The following PAPOLG variants were observed in gnomAD, a reference collection of about 807,000 sequenced individuals.
PAPOLG encodes PAP-gamma.
In PAPOLG, 40 loss-of-function variants were observed where a neutral mutation model predicts 99.0. The ratio of observed to expected loss-of-function variants is 0.40; its 90% CI spans 0.31 to 0.53. The LOEUF (loss-of-function observed/expected upper bound fraction) is 0.53. PAPOLG is among the 20% of genes least tolerant of loss of function. The pLI, the probability that PAPOLG is intolerant of heterozygous loss-of-function variation, is 0.41. For missense variants in PAPOLG, 675 were observed against 884.1 expected, an observed-to-expected ratio of 0.76 and a Z score of 3.00; for synonymous variants, 310 against 299.3, an observed-to-expected ratio of 1.04 and a Z score of -0.37.
intron 15 of PAPOLG, among the ~76,000 whole-genome samples, chr2:60,791,190 T>A (rs977367129): frequency 1.3e-4 from 20 of 152,356 alleles, no homozygotes; most frequent in African/African-American, 4.6e-4. Flanking sequence ...TACCGTTTTT[T>A]AAATATATTT....
In PAPOLG at chr2:60,760,291, C is replaced by T; in HGVS notation, c.175C>T (p.His59Tyr). ...GVFEDEEELN[H>Y]RLVVLGKLNN... ...GTTTGAAGATGAGGAAGAATTGAACCACAGGTATGTCATTGAAAACCATAA... is the reference window on the plus strand; with the variant it reads ...GTTTGAAGATGAGGAAGAATTGAACTACAGGTATGTCATTGAAAACCATAA... The change falls in exon 2 of 22, where the codon CAC becomes TAC. Residue 59 changes from histidine (H) to tyrosine (Y), a missense_variant. Transcript: ENST00000238714. The T allele has an allele frequency of 6.2e-7, 1 of 1,610,240 alleles. No homozygotes were observed. The highest frequency in any genetic ancestry group is 8.5e-7 in the Non-Finnish European group (1 of 1,177,380).
chr2:60,781,758 G>A lies in PAPOLG; in HGVS notation c.907-127G>A. 3 of 1,286,758 alleles carry A rather than the reference G, an allele frequency of 2.3e-6. No homozygotes were observed. In the South Asian group the frequency reaches 4.6e-5, roughly 20 times the overall value. The allele number at this position is 1,286,758 out of a possible 1,614,324, so 79.7% of individuals were successfully genotyped here. On this transcript the variant is annotated intron_variant, in intron 10 of 21. Transcript: ENST00000238714. The stretch of plus-strand genomic sequence containing the variant: ...ATAAATGCAGTTGGGGAGGGAAAAT[G>A]TACTTCTTAAACTTGAGGAAATGTA...
rs1297983508 is a variant in PAPOLG at position 60,768,672 on chromosome 2, T to C, written c.329-109T>C. On this transcript the variant is annotated intron_variant, in intron 4 of 21. Coordinates refer to ENST00000238714, the MANE Select transcript of PAPOLG (RefSeq NM_022894.4). ...ACTTAGAGCTAATCATTGTTAACAT[T>C]TTCTTGTACTCAACTTCCATACTTT... 2.2e-6 allele frequency: 3 copies of C among 1,335,686 alleles called. No homozygotes were observed. The African/African-American group carries it at 4.5e-5, about 20-fold the overall frequency. The allele number at this position is 1,335,686 out of a possible 1,614,324, so 82.7% of individuals were successfully genotyped here. A position where few individuals can be genotyped will look rare whatever the true frequency, so the allele number is the denominator to read the frequency against.
intron 3 of PAPOLG, among the ~76,000 whole-genome samples, chr2:60,768,154 G>A (rs576861070): frequency 3.9e-5 from 6 of 152,182 alleles, no homozygotes; most frequent in Admixed American, 3.9e-4. Context: ...CCAGACTGGA[G>A]TGCAATGGCA....
intron 21 of PAPOLG, 175 bp from the exon 22 acceptor site, chr2:60,796,887 G>A (rs1278774669): frequency 2.1e-5 from 7 of 329,692 alleles, no homozygotes; most frequent in African/African-American, 2.3e-5. Flanking sequence ...TAGCAGTTCC[G>A]AAAGCAAGAG....
intron 6 of PAPOLG, 93 bp downstream of exon 6, chr2:60,770,604 T>A (rs1173779111): frequency 1.9e-5 from 15 of 792,754 alleles, no homozygotes; most frequent in Non-Finnish European, 2.3e-5. Flanking sequence ...ATGCATATTT[T>A]AAAAAATCAA....
At chr2:60,782,152 TA>T in intron 11 of PAPOLG, 147 bp downstream of exon 11, 2 of 888,692 alleles carry the variant, frequency 2.3e-6, no homozygotes, top group South Asian at 4.0e-5. Context: ...TGTTTTTTAG[TA>T]ATGAGTTTTC....
chr2:60,761,811 A>G lies in PAPOLG; in HGVS notation c.246+4A>G. ...TTCTGATGTCAGCGAGAGTAAGGTA[A>G]GACTCTAAACTATGTGGAATTCTTG... is the stretch of plus-strand genomic sequence containing the variant. On this transcript the variant is annotated splice_donor_region_variant and intron_variant, in intron 3 of 21. Coordinates refer to ENST00000238714, the MANE Select transcript of PAPOLG (RefSeq NM_022894.4). 6.4e-7 allele frequency: 1 copy of G among 1,561,618 alleles called. No homozygotes were observed. The highest frequency in any genetic ancestry group is 8.8e-7 in the Non-Finnish European group (1 of 1,133,568).
Position 60,768,405 on chromosome 2 carries a change from A to T in PAPOLG, c.247-65A>T, listed in dbSNP as rs1443531227. On this transcript the variant is annotated intron_variant, in intron 3 of 21. Transcript: ENST00000238714. Reference sequence around the variant, plus strand: ...GTGTGAGCCACCATGCCCAGCCAACATTGAGGTGACTTTTATGCTAAATAA... The same window carrying T: ...GTGTGAGCCACCATGCCCAGCCAACTTTGAGGTGACTTTTATGCTAAATAA... 2.6e-6 allele frequency: 4 copies of T among 1,549,550 alleles called. No homozygotes were observed. In the East Asian group the frequency reaches 9.0e-5, roughly 35 times the overall value.
chr2:60,781,585 G>A (rs562674372), intron 10 of PAPOLG, among the ~76,000 whole-genome samples: 1 of 152,228 alleles, frequency 6.6e-6, no homozygotes, highest in Non-Finnish European at 1.5e-5. Flanking sequence ...ACCAGATAAT[G>A]CTTTTTGTAG....
At chr2:60,771,774 TTAAGAATCCTAAAAACCACAAATTTA>T (rs1558688140) in intron 7 of PAPOLG, 144 bp downstream of exon 7, 2 of 872,434 alleles carry the variant, frequency 2.3e-6, no homozygotes, top group Non-Finnish European at 3.3e-6. Flanking sequence ...GTGACCACAT[TTAAGAATCCTAAAAACCACAAATTTA>T]TTTGAAAGGC....
chr2:60,786,306 C>CT (rs1169347535), intron 13 of PAPOLG, among the ~76,000 whole-genome samples: 2 of 152,110 alleles, frequency 1.3e-5, no homozygotes, highest in African/African-American at 4.8e-5. Context: ...TCTTAGCTCA[C>CT]TGCAACCTCC....
intron 3 of PAPOLG, among the ~76,000 whole-genome samples, chr2:60,766,219 A>G (rs879939995): frequency 9.9e-5 from 15 of 152,236 alleles, no homozygotes; most frequent in Non-Finnish European, 1.9e-4. Flanking sequence ...TTTACATGCC[A>G]AAGAAGTCAG....
chr2:60,798,203 A>G lies in PAPOLG; in HGVS notation c.*1043A>G, dbSNP rs1040396694. 6.5e-6 allele frequency: 1 copy of G among 152,758 alleles called. No homozygotes were observed. The allele number at this position is 152,758 out of a possible 1,614,324, so 9.5% of individuals were successfully genotyped here. ...GAAACCTAAAGGCATTTTGAATGAC[A>G]TTGTTACCAACCATTAATTGGCTCA... On this transcript the variant is annotated 3_prime_UTR_variant, in exon 22 of 22. Transcript: ENST00000238714.
chr2:60,763,686 T>A (rs188516316), intron 3 of PAPOLG, among the ~76,000 whole-genome samples: 57 of 151,548 alleles, frequency 3.8e-4, no homozygotes, highest in African/African-American at 1.4e-3. Context: ...ATATTTTTAG[T>A]AGAGACGGGG....
chr2:60,797,715 G>T lies in PAPOLG; in HGVS notation c.*555G>T, dbSNP rs1671756186. 6.6e-6 allele frequency: 1 copy of T among 152,526 alleles called. No individual in the cohort carries two copies. The highest frequency in any genetic ancestry group is 2.1e-4 in the South Asian group (1 of 4,820). The allele number at this position is 152,526 out of a possible 1,614,324, so 9.4% of individuals were successfully genotyped here. A position where few individuals can be genotyped will look rare whatever the true frequency, so the allele number is the denominator to read the frequency against. On this transcript the variant is annotated 3_prime_UTR_variant, in exon 22 of 22. Coordinates refer to ENST00000238714, the MANE Select transcript of PAPOLG (RefSeq NM_022894.4). ...CCTCATTTGTGTAGATGTACTGTCT[G>T]TTCTGTTGATTTAAATTATTTTTTT... is the stretch of plus-strand genomic sequence containing the variant.
chr2:60,802,075 C>G lies in PAPOLG; in HGVS notation c.*4915C>G, dbSNP rs1410812287. ...TGGAATAAGTAATCAAATAAAATTG[C>G]TTTGATAAATAGGTGATGATTGAGT... On this transcript the variant is annotated 3_prime_UTR_variant, in exon 22 of 22. Transcript: ENST00000238714. 1 of 152,224 alleles carries G rather than the reference C, an allele frequency of 6.6e-6. No homozygotes were observed. The highest frequency in any genetic ancestry group is 2.4e-5 in the African/African-American group (1 of 41,414). The allele number at this position is 152,224 out of a possible 1,614,324, so 9.4% of individuals were successfully genotyped here.
chr2:60,771,025 C>T (rs763058308), intron 6 of PAPOLG, among the ~76,000 whole-genome samples: 4 of 152,146 alleles, frequency 2.6e-5, no homozygotes, highest in Non-Finnish European at 5.9e-5. Context: ...CTAGATATGA[C>T]ATTTTTATCT....
At chr2:60,757,470 C>A (rs1670383280) in intron 1 of PAPOLG, among the ~76,000 whole-genome samples, 1 of 152,132 alleles carries the variant, frequency 6.6e-6, no homozygotes, top group Non-Finnish European at 1.5e-5. Flanking sequence ...GCTATTACTA[C>A]ATACACATGT....
Sources: allele counts gnomAD v4.1 joint callset (sites outside exome capture counted in the v4.1 genomes callset), GRCh38; gene constraint gnomAD v4.1.1; transcripts MANE v1.5; gene names NCBI Gene and HGNC (gene_info 2026-07-23, HGNC 2026-07-21).